The following NXNL2 variants were observed in gnomAD, a reference collection of about 807,000 sequenced individuals.
NXNL2 encodes nucleoredoxin like 2, also known as nucleoredoxin-like protein 2.
Under a neutral mutation model 11.1 loss-of-function variants are expected in NXNL2, and 7 were observed. The observed-to-expected ratio is 0.63, with a 90% CI of 0.36 to 1.18. The LOEUF (loss-of-function observed/expected upper bound fraction) is 1.18. NXNL2 is among the 50% of genes most tolerant of loss of function. The pLI is 0.02. For synonymous variants in NXNL2, 109 were observed against 101.8 expected (o/e 1.07, Z -0.42); for missense variants, 233 against 217.7 (o/e 1.07, Z -0.44).
downstream of NXNL2, among the ~76,000 whole-genome samples, chr9:88,580,105 C>T (rs971090338): frequency 1.4e-4 from 21 of 151,084 alleles, no homozygotes; most frequent in South Asian, 8.4e-4. Flanking sequence ...CGCCATTGCA[C>T]GCTAGCCTGG....
Position 88,535,407 on chromosome 9 carries a change from G to A in NXNL2, c.-28G>A, listed in dbSNP as rs748840756. On this transcript the variant is annotated 5_prime_UTR_variant, in exon 1 of 2. Transcript: ENST00000375854. ...TGATCATCCTCCTGCAGGTGTCCTC[G>A]GGTCTCAGGTGGCTGCGTGTCTGCG... is the stretch of plus-strand genomic sequence containing the variant. The A allele has an allele frequency of 6.4e-7, 1 of 1,556,118 alleles. No homozygotes were observed. Among genetic ancestry groups the A allele is most frequent in the East Asian group, 2.3e-5 (1 of 43,966 alleles).
intron 1 of NXNL2, among the ~76,000 whole-genome samples, chr9:88,566,280 A>G (rs1341390610): frequency 6.7e-6 from 1 of 149,758 alleles, no homozygotes; most frequent in Non-Finnish European, 1.5e-5. Context: ...TGTCATGAAG[A>G]TTTCCCTTAT....
At chr9:88,566,011 T>C (rs1330187569) in intron 1 of NXNL2, among the ~76,000 whole-genome samples, 1 of 152,232 alleles carries the variant, frequency 6.6e-6, no homozygotes. Context: ...CCTAATCCCA[T>C]TTTTAATTGA....
chr9:88,552,859 G>C (rs1829959617), intron 1 of NXNL2, among the ~76,000 whole-genome samples: 1 of 152,174 alleles, frequency 6.6e-6, no homozygotes, highest in African/African-American at 2.4e-5. Flanking sequence ...TTTGCCATTG[G>C]AGTATGAGAA....
chr9:88,566,995 T>TCTATCTATCTATCTATCTAC (rs1554706804), intron 1 of NXNL2, among the ~76,000 whole-genome samples: 8,955 of 150,330 alleles, frequency 0.06, 545 homozygotes, highest in East Asian at 0.15. Flanking sequence ...TATCTATCTA[T>TCTATCTATCTATCTATCTAC]CTATCTATCT....
chr9:88,575,213 T>A, exon 3 of NXNL2: 1 of 931,280 alleles, frequency 1.1e-6, no homozygotes, highest in Non-Finnish European at 1.3e-6. Flanking sequence ...AACAATGTGC[T>A]GTGACCATGT....
chr9:88,547,140 G>A (rs983015734), downstream of NXNL2, among the ~76,000 whole-genome samples: 3 of 152,208 alleles, frequency 2.0e-5, no homozygotes, highest in African/African-American at 7.2e-5. Flanking sequence ...CCCCGTGGGC[G>A]CTAACATCTG....
intron 1 of NXNL2, among the ~76,000 whole-genome samples, chr9:88,560,985 TG>T (rs1186803551): frequency 5.3e-5 from 8 of 152,162 alleles, no homozygotes; most frequent in African/African-American, 1.9e-4. Context: ...TAAAAATATA[TG>T]TACACACACA....
At chr9:88,541,191 C>T (rs1829753076) in intron 1 of NXNL2, among the ~76,000 whole-genome samples, 1 of 150,820 alleles carries the variant, frequency 6.6e-6, no homozygotes, top group African/African-American at 2.4e-5. Flanking sequence ...CCACACTGGG[C>T]CTGTGTAATG....
intron 1 of NXNL2, among the ~76,000 whole-genome samples, chr9:88,570,929 G>C (rs1830252545): frequency 6.6e-6 from 1 of 151,874 alleles, no homozygotes; most frequent in South Asian, 2.1e-4. Flanking sequence ...TTTCAGTAGA[G>C]ACAGGGTTTC....
chr9:88,557,228 C>T (rs531334637), intron 1 of NXNL2, among the ~76,000 whole-genome samples: 1 of 152,288 alleles, frequency 6.6e-6, no homozygotes, highest in African/African-American at 2.4e-5. Context: ...AGTGGGCTGT[C>T]CTCAACTTTG....
At chr9:88,549,816 G>C (rs929684455), downstream of NXNL2, among the ~76,000 whole-genome samples, 1 of 152,142 alleles carries the variant, frequency 6.6e-6, no homozygotes, top group African/African-American at 2.4e-5. Context: ...AAGAAAGGGA[G>C]GGGGAAGGTG....
At chr9:88,578,633 G>A (rs1054118873), downstream of NXNL2, among the ~76,000 whole-genome samples, 1 of 152,216 alleles carries the variant, frequency 6.6e-6, no homozygotes, top group Non-Finnish European at 1.5e-5. Context: ...AGGAGCCGCC[G>A]GCCCGGCCTA....
In NXNL2 at chr9:88,544,370, G is replaced by C. The variant is rs1038575007; in HGVS notation, c.303-9G>C. On this transcript the variant is annotated splice_polypyrimidine_tract_variant and intron_variant, in intron 1 of 1. Transcript: ENST00000375854. Reference sequence around the variant, plus strand: ...GTGCTAACTTCGGTACCACTCTTCTGTCCTGCAGTGAGCTGAGGAAGAGGT... The same window carrying C: ...GTGCTAACTTCGGTACCACTCTTCTCTCCTGCAGTGAGCTGAGGAAGAGGT... The C allele has an allele frequency of 6.4e-7, 1 of 1,551,184 alleles. No individual in the cohort carries two copies. Among genetic ancestry groups the C allele is most frequent in the South Asian group, 1.2e-5 (1 of 84,042 alleles).
chr9:88,547,491 G>C (rs960382943), downstream of NXNL2, among the ~76,000 whole-genome samples: 1 of 152,168 alleles, frequency 6.6e-6, no homozygotes, highest in African/African-American at 2.4e-5. Flanking sequence ...AAGAAGAGGG[G>C]TGACACAGAG....
intron 1 of NXNL2, among the ~76,000 whole-genome samples, chr9:88,581,742 C>T (rs1295851079): frequency 6.6e-6 from 1 of 152,204 alleles, no homozygotes; most frequent in Non-Finnish European, 1.5e-5. Flanking sequence ...AGGCGTGAGC[C>T]ACTGCACCCG....
chr9:88,557,805 A>G (rs1467445253), intron 1 of NXNL2, among the ~76,000 whole-genome samples: 1 of 152,186 alleles, frequency 6.6e-6, no homozygotes, highest in Non-Finnish European at 1.5e-5. Flanking sequence ...TAGATAGAGC[A>G]TAATTTCCAG....
chr9:88,555,228 A>T (rs1829992987), intron 1 of NXNL2, among the ~76,000 whole-genome samples: 1 of 152,202 alleles, frequency 6.6e-6, no homozygotes, highest in Non-Finnish European at 1.5e-5. Flanking sequence ...TTCATAGGCA[A>T]CCCTCAGGGC....
At chr9:88,547,561 A>G (rs1159815088), downstream of NXNL2, among the ~76,000 whole-genome samples, 2 of 152,170 alleles carry the variant, frequency 1.3e-5, no homozygotes, top group Admixed American at 6.5e-5. Context: ...GAATTTACAA[A>G]CACCATGGAG....
Sources: gnomAD v4.1 joint callset for allele counts (sites outside exome capture counted in the v4.1 genomes callset) on GRCh38, gnomAD v4.1.1 for gene constraint, MANE v1.5 for transcripts, NCBI Gene and HGNC (gene_info 2026-07-23, HGNC 2026-07-21) for gene names.